CALCOCO1: variants seen among roughly 807,000 people sequenced by gnomAD.
The protein encoded by CALCOCO1 is calcium-binding and coiled-coil domain-containing protein 1.
Under a neutral mutation model 86.3 loss-of-function variants are expected in CALCOCO1, and 44 were observed. That is an observed-to-expected ratio of 0.51 (90% confidence interval 0.40 to 0.66). CALCOCO1 has a LOEUF of 0.66. CALCOCO1 is among the 30% of genes least tolerant of loss of function. The probability of loss-of-function intolerance (pLI) is 0.00; values close to 1 mark genes in which losing one functional copy is unlikely to be tolerated. For synonymous variants in CALCOCO1, 297 were observed against 327.6 expected (o/e 0.91, Z 1.01); for missense variants, 708 against 851.1 (o/e 0.83, Z 2.09).
At chr12:53,722,942 TCA>T in intron 4 of CALCOCO1, 2 of 175,312 alleles carry the variant, frequency 1.1e-5, no homozygotes, top group Non-Finnish European at 2.1e-5. Context: ...CAAGGCTGTC[TCA>T]AAAAAAAAAA....
intron 2 of CALCOCO1, 50 bp from the exon 3 acceptor site, chr12:53,724,797 A>G (rs1183929875): frequency 1.4e-6 from 2 of 1,444,220 alleles, no homozygotes; most frequent in South Asian, 1.2e-5. Flanking sequence ...ACTACCTTCT[A>G]TGGATGGAAG....
In CALCOCO1 at chr12:53,711,535, G is replaced by C; in HGVS notation, c.*409C>G. On this transcript the variant is annotated 3_prime_UTR_variant, in exon 15 of 15. Coordinates refer to ENST00000550804, the MANE Select transcript of CALCOCO1 (RefSeq NM_020898.3). ...GTAAACCAACGGAAACTCCAAATAA[G>C]AGAGGGTAGGGTGCCCCAGGAATTG... 1 of 309,102 alleles carries C rather than the reference G, an allele frequency of 3.2e-6. No individual in the cohort carries two copies. The allele number at this position is 309,102 out of a possible 1,614,324, so 19.1% of individuals were successfully genotyped here.
intron 14 of CALCOCO1, chr12:53,712,796 G>A (rs1202268854): frequency 7.3e-7 from 1 of 1,376,492 alleles, no homozygotes; most frequent in African/African-American, 1.5e-5. Flanking sequence ...GGAAGGGGTA[G>A]AGGCAGGAGA....
rs1167721021 is a variant in CALCOCO1, at chr12:53,708,939, AG to A, written c.*3004del. 2 of 152,240 alleles carry A rather than the reference AG, an allele frequency of 1.3e-5. No individual in the cohort carries two copies. Among genetic ancestry groups the A allele is most frequent in the African/African-American group, 4.8e-5 (2 of 41,450 alleles). 9.4% of individuals were successfully genotyped at this position (152,240 alleles called of 1,614,324 possible). Reference sequence around the variant, plus strand: ...TTCCTTAGGGTAGATGGGAAATGGAAGGGCAAGTTGGGACAGATGGTGAAGA... The same window carrying A: ...TTCCTTAGGGTAGATGGGAAATGGAAGGCAAGTTGGGACAGATGGTGAAGA... On this transcript the variant is annotated 3_prime_UTR_variant, in exon 15 of 15. Coordinates refer to ENST00000550804, the MANE Select transcript of CALCOCO1 (RefSeq NM_020898.3).
chr12:53,715,512 G>A (rs563805848), intron 9 of CALCOCO1, among the ~76,000 whole-genome samples, 187 bp from the exon 10 acceptor site: 1 of 152,280 alleles, frequency 6.6e-6, no homozygotes, highest in African/African-American at 2.4e-5. Flanking sequence ...GGCAGGTGCT[G>A]CTTGATCAGG....
At chr12:53,725,400 GT>G in intron 1 of CALCOCO1, 134 bp from the exon 2 acceptor site, 1 of 583,782 alleles carries the variant, frequency 1.7e-6, no homozygotes, top group Non-Finnish European at 2.9e-6. Context: ...GTCCCTGAGG[GT>G]TACGGGACAT....
chr12:53,724,717 T>G lies in CALCOCO1; in HGVS notation c.187A>C (p.Thr63Pro). 6.2e-7 allele frequency: 1 copy of G among 1,613,684 alleles called. No individual in the cohort carries two copies. The highest frequency in any genetic ancestry group is 2.2e-5 in the East Asian group (1 of 44,874). ...VEAACVRDYH[T>P]FVWSSVPEST... ...TCAGGCACGGAAGACCACACAAATG[T>G]GTGGTAATCCCGAACACAGGCAGCC... The change falls in exon 3 of 15, where the codon ACA becomes CCA. Residue 63 changes from threonine to proline, a missense_variant. Transcript: ENST00000550804.
chr12:53,724,456 C>T (rs1945967876), intron 3 of CALCOCO1, 189 bp downstream of exon 3: 1 of 587,238 alleles, frequency 1.7e-6, no homozygotes, highest in East Asian at 3.0e-5. Flanking sequence ...GTTTCTATGT[C>T]CCTGATTCTG....
At chr12:53,721,646 G>A (rs766227516) in intron 5 of CALCOCO1, 31 bp from the exon 6 acceptor site, 60 of 1,613,774 alleles carry the variant, frequency 3.7e-5, no homozygotes, top group Middle Eastern at 3.3e-4. Context: ...GAAGAAAAGG[G>A]AGGTTGGGAC....
At chr12:53,722,288 G>T in intron 4 of CALCOCO1, 105 bp from the exon 5 acceptor site, 1 of 1,321,954 alleles carries the variant, frequency 7.6e-7, no homozygotes, top group Non-Finnish European at 1.1e-6. Flanking sequence ...AAGTTACATA[G>T]CTTTGGGTTA....
Position 53,723,636 on chromosome 12 carries a change from C to A in CALCOCO1, c.407G>T (p.Gly136Val). The A allele has an allele frequency of 6.2e-7, 1 of 1,614,196 alleles. No homozygotes were observed. Among genetic ancestry groups the A allele is most frequent in the Non-Finnish European group, 8.5e-7 (1 of 1,180,038 alleles). Residue 136 changes from glycine to valine, a missense_variant, in exon 4 of 15, where the codon GGC becomes GTC. Physicochemically the swap from Gly to Val is moderately radical, Grantham distance 109. Coordinates refer to ENST00000550804, the MANE Select transcript of CALCOCO1 (RefSeq NM_020898.3). ...GGGGACAACCAGCAGGATGTCAGAG[C>A]CCCCATCAGCCTCCTCCAGGGTCAC... is the stretch of plus-strand genomic sequence containing the variant. The part of the protein sequence containing the change: ...ELVTLEEADG[G>V]SDILLVVPKA...
At chr12:53,712,208 C>A (rs1945581599) in intron 14 of CALCOCO1, 87 bp from the exon 15 acceptor site, 1 of 1,234,222 alleles carries the variant, frequency 8.1e-7, no homozygotes, top group Non-Finnish European at 1.1e-6. Context: ...GACCCATGTG[C>A]CTGGGTTCCC....
At position 53,711,282 on chromosome 12, in the gene CALCOCO1, T is replaced by C. The variant is rs1945543185; in HGVS notation, c.*662A>G. On this transcript the variant is annotated 3_prime_UTR_variant, in exon 15 of 15. Transcript: ENST00000550804. ...TCACAGAAGGCACAAATACATTATTTCTTTCCATGTGAGGAGATGCGAGGA... is the reference window on the plus strand; with the variant it reads ...TCACAGAAGGCACAAATACATTATTCCTTTCCATGTGAGGAGATGCGAGGA... 2.5e-6 allele frequency: 1 copy of C among 398,764 alleles called. No individual in the cohort carries two copies. The highest frequency in any genetic ancestry group is 2.1e-5 in the African/African-American group (1 of 48,580). 24.7% of individuals were successfully genotyped at this position (398,764 alleles called of 1,614,324 possible).
intron 9 of CALCOCO1, 117 bp from the exon 10 acceptor site, chr12:53,715,442 A>T: frequency 7.3e-7 from 1 of 1,370,584 alleles, no homozygotes; most frequent in Non-Finnish European, 1.0e-6. Flanking sequence ...TCATTTTTAG[A>T]GCACTTTCCC....
chr12:53,714,006 G>T, intron 12 of CALCOCO1, 106 bp from the exon 13 acceptor site: 2 of 1,322,548 alleles, frequency 1.5e-6, no homozygotes, highest in Non-Finnish European at 2.1e-6. Context: ...CAGGGGCCAG[G>T]GTCTGGGAAA....
intron 10 of CALCOCO1, among the ~76,000 whole-genome samples, chr12:53,714,938 G>A (rs1052462399): frequency 2.0e-5 from 3 of 152,130 alleles, no homozygotes; most frequent in African/African-American, 7.2e-5. Context: ...ACTTCCTCTA[G>A]GCTGGGGTGC....
At chr12:53,723,217 T>C (rs1218935856) in intron 4 of CALCOCO1, among the ~76,000 whole-genome samples, 1 of 152,242 alleles carries the variant, frequency 6.6e-6, no homozygotes, top group Non-Finnish European at 1.5e-5. Flanking sequence ...CTTGCCTATC[T>C]GCTCTCACTC....
intron 1 of CALCOCO1, among the ~76,000 whole-genome samples, chr12:53,725,517 G>T (rs577541120): frequency 4.6e-5 from 7 of 152,182 alleles, no homozygotes; most frequent in Non-Finnish European, 7.3e-5. Context: ...CCTTCTGAGG[G>T]TTCAGACTTC....
chr12:53,710,519 G>C lies in CALCOCO1; in HGVS notation c.*1425C>G, dbSNP rs927532878. 6.6e-6 allele frequency: 1 copy of C among 152,482 alleles called. No individual in the cohort carries two copies. Among genetic ancestry groups the C allele is most frequent in the Non-Finnish European group, 1.5e-5 (1 of 68,178 alleles). 9.4% of individuals were successfully genotyped at this position (152,482 alleles called of 1,614,324 possible). A position where few individuals can be genotyped will look rare whatever the true frequency, so the allele number is the denominator to read the frequency against. On this transcript the variant is annotated 3_prime_UTR_variant, in exon 15 of 15. Coordinates refer to ENST00000550804, the MANE Select transcript of CALCOCO1 (RefSeq NM_020898.3). Reference sequence around the variant, plus strand: ...TGCAGGTCCTTAACAAATGCTTTACGATGCTGTGTATGTGTCTGTCTAGCC... The same window carrying C: ...TGCAGGTCCTTAACAAATGCTTTACCATGCTGTGTATGTGTCTGTCTAGCC...
Sources: allele counts gnomAD v4.1 joint callset (sites outside exome capture counted in the v4.1 genomes callset), GRCh38; gene constraint gnomAD v4.1.1; transcripts MANE v1.5; gene names NCBI Gene and HGNC (gene_info 2026-07-23, HGNC 2026-07-21).